The following KPNA7 variants were observed in gnomAD, a reference collection of about 807,000 sequenced individuals.
The protein encoded by KPNA7 is karyopherin subunit alpha 7.
KPNA7 carries 54 observed loss-of-function variants against 53.7 expected under a neutral mutation model. That is an observed-to-expected ratio of 1.01 (90% CI 0.81 to 1.26). KPNA7 has a LOEUF of 1.26. Ranked by LOEUF, KPNA7 falls within the 50% of genes most tolerant of loss-of-function variation. KPNA7 has a pLI of 0.00. For missense variants in KPNA7, 640 were observed against 644.5 expected, an observed-to-expected ratio of 0.99 and a Z score of 0.07; for synonymous variants, 276 against 259.3, an observed-to-expected ratio of 1.06 and a Z score of -0.62.
chr7:99,186,419 T>A (rs1159971618), intron 7 of KPNA7, among the ~76,000 whole-genome samples: 1 of 152,152 alleles, frequency 6.6e-6, no homozygotes, highest in African/African-American at 2.4e-5. Flanking sequence ...TTCAGGCCAG[T>A]CATGGCCTTA....
At chr7:99,148,998 C>T in the KPNA7 span, among the ~76,000 whole-genome samples, 4 of 149,774 alleles carry the variant, frequency 2.7e-5, no homozygotes, top group Non-Finnish European at 4.4e-5. Context: ...CAGATTCAAG[C>T]GATTCTCCTG....
At chr7:99,167,922 T>A in the KPNA7 span, among the ~76,000 whole-genome samples, 27 of 152,158 alleles carry the variant, frequency 1.8e-4, no homozygotes, top group East Asian at 5.0e-3. Flanking sequence ...CATTATCCAT[T>A]ACAATGTGAT....
At position 99,173,639 on chromosome 7, in the gene KPNA7, A is replaced by AG; in HGVS notation, c.*68dup. The AG allele has an allele frequency of 4.2e-6, 4 of 942,072 alleles. No homozygotes were observed. In the South Asian group the frequency reaches 4.7e-5, roughly 11 times the overall value. 58.4% of individuals were successfully genotyped at this position (942,072 alleles called of 1,614,324 possible). A position where few individuals can be genotyped will look rare whatever the true frequency, so the allele number is the denominator to read the frequency against. On this transcript the variant is annotated 3_prime_UTR_variant, in exon 11 of 11. Transcript: ENST00000327442. ...TCACATTTGGGTTACACTAAGATAG[A>AG]GGACTGCTGCTTCTTAAAGAAGTTA... is the stretch of plus-strand genomic sequence containing the variant.
chr7:99,148,019 T>TAAA, the KPNA7 span, among the ~76,000 whole-genome samples: 1 of 141,506 alleles, frequency 7.1e-6, no homozygotes, highest in Admixed American at 7.1e-5. Context: ...CCCATGTCTT[T>TAAA]AAAAAAAAAA....
intron 1 of KPNA7, among the ~76,000 whole-genome samples, chr7:99,213,583 A>G (rs1372304463): frequency 6.6e-6 from 1 of 151,912 alleles, no homozygotes; most frequent in African/African-American, 2.4e-5. Flanking sequence ...AGCTGGGACC[A>G]CAGGAACAAG....
At chr7:99,157,408 C>T in the KPNA7 span, among the ~76,000 whole-genome samples, 2 of 152,128 alleles carry the variant, frequency 1.3e-5, no homozygotes, top group African/African-American at 4.8e-5. Context: ...AGGGTTTCTC[C>T]ATGTTAGTCA....
At chr7:99,177,572 CAAAAAAA>C (rs34717081) in intron 10 of KPNA7, among the ~76,000 whole-genome samples, 25 of 41,780 alleles carry the variant, frequency 6.0e-4, no homozygotes, top group Non-Finnish European at 8.3e-4. Flanking sequence ...GAAACCATCT[CAAAAAAA>C]AAAAAAAAAA....
At chr7:99,150,571 C>A in the KPNA7 span, among the ~76,000 whole-genome samples, 1 of 151,940 alleles carries the variant, frequency 6.6e-6, no homozygotes, top group East Asian at 1.9e-4. Context: ...TGCACCACTA[C>A]GCCTGGCTAA....
intron 9 of KPNA7, among the ~76,000 whole-genome samples, chr7:99,179,457 G>A (rs1169234890): frequency 6.6e-6 from 1 of 152,122 alleles, no homozygotes; most frequent in Non-Finnish European, 1.5e-5. Flanking sequence ...TTGGAAGGCT[G>A]AGGTGGGAGG....
intron 1 of KPNA7, among the ~76,000 whole-genome samples, chr7:99,214,383 C>T (rs1399213082): frequency 1.3e-5 from 2 of 150,828 alleles, no homozygotes; most frequent in Non-Finnish European, 2.9e-5. Flanking sequence ...GCAGAGGTTA[C>T]AGTGAGCTGA....
chr7:99,188,253 A>G (rs916564770), intron 7 of KPNA7, 47 bp downstream of exon 7: 20 of 1,536,140 alleles, frequency 1.3e-5, no homozygotes, highest in Non-Finnish European at 1.8e-5. Context: ...TGCTAAAGTG[A>G]CTATGACCCG....
At chr7:99,163,679 G>A in the KPNA7 span, among the ~76,000 whole-genome samples, 1 of 151,712 alleles carries the variant, frequency 6.6e-6, no homozygotes, top group African/African-American at 2.4e-5. Flanking sequence ...AAGCCACCAC[G>A]CCTGGCCTAG....
Position 99,198,137 on chromosome 7 carries a change from G to A in KPNA7, c.202-1971C>T, listed in dbSNP as rs534575261. ...TTAACAGCTGATTTCTTATCAGAAA[G>A]CATCAAGGCCAAAAAGCTGAGGTGC... On this transcript the variant is annotated intron_variant, in intron 3 of 10. Transcript: ENST00000327442. 7.9e-5 allele frequency among the ~76,000 whole-genome samples: 12 copies of A among 152,140 alleles called. No homozygotes were observed. In the South Asian group the frequency reaches 2.5e-3, roughly 32 times the overall value.
intron 9 of KPNA7, 92 bp downstream of exon 9, chr7:99,181,791 C>T (rs1047799659): frequency 8.4e-7 from 1 of 1,189,960 alleles, no homozygotes; most frequent in Admixed American, 3.0e-5. Context: ...CTCAGCCTCC[C>T]AAAGTACAAC....
the KPNA7 span, among the ~76,000 whole-genome samples, chr7:99,157,334 T>C: frequency 6.6e-6 from 1 of 152,090 alleles, no homozygotes; most frequent in Non-Finnish European, 1.5e-5. Context: ...CTCAGTCTCC[T>C]GAGTAGCTGA....
chr7:99,204,811 G>A (rs551818552), intron 2 of KPNA7, among the ~76,000 whole-genome samples: 38 of 152,150 alleles, frequency 2.5e-4, no homozygotes, highest in African/African-American at 9.2e-4. Context: ...AACTATGATC[G>A]TGCCACTGCA....
intron 9 of KPNA7, 69 bp from the exon 10 acceptor site, chr7:99,178,135 C>G: frequency 7.0e-7 from 1 of 1,429,564 alleles, no homozygotes; most frequent in South Asian, 1.3e-5. Context: ...CTCTGTCAGC[C>G]CTCAAGGGAG....
At chr7:99,214,222 G>A (rs577480671) in intron 1 of KPNA7, among the ~76,000 whole-genome samples, 1 of 151,088 alleles carries the variant, frequency 6.6e-6, no homozygotes, top group African/African-American at 2.4e-5. Context: ...CTGAGGTCAG[G>A]AGTTTGAGAT....
At chr7:99,214,874 A>G (rs1563094307) in intron 1 of KPNA7, among the ~76,000 whole-genome samples, 1 of 152,072 alleles carries the variant, frequency 6.6e-6, no homozygotes, top group Non-Finnish European at 1.5e-5. Context: ...CTTCTGAAAT[A>G]CCTGCTCTAG....
Sources: gnomAD v4.1 joint callset for allele counts (sites outside exome capture counted in the v4.1 genomes callset) on GRCh38, gnomAD v4.1.1 for gene constraint, MANE v1.5 for transcripts, NCBI Gene and HGNC (gene_info 2026-07-23, HGNC 2026-07-21) for gene names.